Variants in NRXN1 observed in about 807,000 individuals in gnomAD.
NRXN1 encodes the protein neurexin 1, also known as neurexin-1.
A neutral mutation model predicts 150.9 loss-of-function variants in NRXN1; 39 were observed. That is an observed-to-expected ratio of 0.26 (90% CI 0.20 to 0.34). NRXN1 has a LOEUF of 0.34. Among genes scored for constraint, NRXN1 ranks in the 10% least tolerant of loss-of-function variants. The pLI is 1.00. For missense variants in NRXN1, 1,815 were observed against 1,949.9 expected, an observed-to-expected ratio of 0.93 and a Z score of 1.30; for synonymous variants, 924 against 757.0, an observed-to-expected ratio of 1.22 and a Z score of -3.62.
chr2:50,790,529 GAGAATTGCTTGA>G (rs1360120036), intron 5 of NRXN1, among the ~76,000 whole-genome samples: 2 of 152,154 alleles, frequency 1.3e-5, no homozygotes, highest in African/African-American at 2.4e-5. Flanking sequence ...GCTGAGGCAG[GAGAATTGCTTGA>G]ACCTGGGAGA....
chr2:50,741,514 T>G (rs1379364122), intron 5 of NRXN1, among the ~76,000 whole-genome samples: 1 of 152,198 alleles, frequency 6.6e-6, no homozygotes, highest in Non-Finnish European at 1.5e-5. Flanking sequence ...TTTGACATTT[T>G]ATCTTTTCTA....
intron 8 of NRXN1, among the ~76,000 whole-genome samples, chr2:50,553,895 T>C (rs545775384): frequency 2.0e-5 from 3 of 152,316 alleles, no homozygotes; most frequent in South Asian, 2.1e-4. Context: ...CACGGTATCA[T>C]ACATTTGCTA....
chr2:50,885,166 A>T (rs552471745), intron 5 of NRXN1, among the ~76,000 whole-genome samples: 12 of 151,524 alleles, frequency 7.9e-5, no homozygotes, highest in Non-Finnish European at 1.6e-4. Flanking sequence ...TTTATGCAAC[A>T]GTTTTAGAAT....
chr2:49,952,453 T>C (rs1036674189), intron 21 of NRXN1, among the ~76,000 whole-genome samples: 10 of 152,026 alleles, frequency 6.6e-5, no homozygotes, highest in African/African-American at 1.7e-4. Context: ...AAAAATCCAA[T>C]TACAGAAATT....
At chr2:50,230,957 G>A (rs1254311655) in intron 18 of NRXN1, among the ~76,000 whole-genome samples, 2 of 151,968 alleles carry the variant, frequency 1.3e-5, no homozygotes, top group East Asian at 1.9e-4. Flanking sequence ...ATGGTGAAAA[G>A]GCATTATTTA....
chr2:49,922,301 G>A (rs755426199), intron 22 of NRXN1, 50 bp from the exon 23 acceptor site: 1 of 1,490,868 alleles, frequency 6.7e-7, no homozygotes, highest in Non-Finnish European at 9.2e-7. Context: ...TGAGTTCACT[G>A]AATACCAGAG....
chr2:50,318,404 G>A (rs1027147453), intron 17 of NRXN1, among the ~76,000 whole-genome samples: 1 of 152,110 alleles, frequency 6.6e-6, no homozygotes, highest in Non-Finnish European at 1.5e-5. Flanking sequence ...CATCCTGTAT[G>A]CATTATATGT....
At chr2:50,133,617 GAAAAAT>G (rs1705907204) in intron 18 of NRXN1, among the ~76,000 whole-genome samples, 1 of 152,026 alleles carries the variant, frequency 6.6e-6, no homozygotes, top group Non-Finnish European at 1.5e-5. Flanking sequence ...TTCTGGAAAA[GAAAAAT>G]AAATTAAAGC....
intron 19 of NRXN1, among the ~76,000 whole-genome samples, chr2:50,086,672 A>G (rs1002768161): frequency 1.3e-5 from 2 of 152,156 alleles, no homozygotes; most frequent in African/African-American, 2.4e-5. Flanking sequence ...GTTGGCAAAC[A>G]TGAATAATAA....
chr2:50,070,435 G>T (rs1381357709), intron 19 of NRXN1, among the ~76,000 whole-genome samples: 1 of 152,094 alleles, frequency 6.6e-6, no homozygotes, highest in Non-Finnish European at 1.5e-5. Flanking sequence ...ACATTCTCAT[G>T]AGAGTTCCTT....
chr2:50,203,065 T>C (rs918359840), intron 18 of NRXN1, among the ~76,000 whole-genome samples: 1 of 152,006 alleles, frequency 6.6e-6, no homozygotes, highest in Non-Finnish European at 1.5e-5. Context: ...GTATAATGAA[T>C]GGCAAAACTG....
intron 17 of NRXN1, among the ~76,000 whole-genome samples, chr2:50,390,824 T>C (rs1194419933): frequency 6.6e-6 from 1 of 152,124 alleles, no homozygotes; most frequent in East Asian, 1.9e-4. Flanking sequence ...CCCCTTGCTT[T>C]TGGACTTCGC....
intron 2 of NRXN1, among the ~76,000 whole-genome samples, chr2:50,970,359 T>A (rs1356292232): frequency 6.6e-6 from 1 of 152,036 alleles, no homozygotes; most frequent in Non-Finnish European, 1.5e-5. Context: ...GATATTGTTT[T>A]CTGAACCCCA....
chr2:50,563,675 T>A (rs1243792009), intron 8 of NRXN1, among the ~76,000 whole-genome samples: 1 of 152,218 alleles, frequency 6.6e-6, no homozygotes, highest in Non-Finnish European at 1.5e-5. Context: ...AATCTGAATG[T>A]TTGCCTCCAG....
chr2:50,864,297 T>G (rs1559366772), intron 5 of NRXN1, among the ~76,000 whole-genome samples: 1 of 151,932 alleles, frequency 6.6e-6, no homozygotes. Context: ...TCATAAAAGC[T>G]AAAAAAGCTG....
At chr2:50,176,265 G>C (rs2060349556) in intron 18 of NRXN1, among the ~76,000 whole-genome samples, 1 of 151,996 alleles carries the variant, frequency 6.6e-6, no homozygotes, top group Admixed American at 6.6e-5. Context: ...ATTTCTTTTG[G>C]TCTAGAAAGT....
intron 17 of NRXN1, among the ~76,000 whole-genome samples, chr2:50,263,463 G>T (rs1016925668): frequency 2.0e-4 from 31 of 151,958 alleles, no homozygotes; most frequent in African/African-American, 7.5e-4. Context: ...TATATAGGTA[G>T]CTATTAGGTC....
At chr2:50,656,466 T>C in intron 5 of NRXN1, 2 of 742,500 alleles carry the variant, frequency 2.7e-6, no homozygotes, top group Non-Finnish European at 5.0e-6. Context: ...TTTTCAGTTT[T>C]TGCTCTGTTT....
At chr2:50,740,188 C>T (rs1204832665) in intron 5 of NRXN1, among the ~76,000 whole-genome samples, 1 of 152,142 alleles carries the variant, frequency 6.6e-6, no homozygotes, top group African/African-American at 2.4e-5. Flanking sequence ...TTATCCATTG[C>T]TCAGACCAGG....
Sources: gnomAD v4.1 joint callset for allele counts (sites outside exome capture counted in the v4.1 genomes callset) on GRCh38, gnomAD v4.1.1 for gene constraint, MANE v1.5 for transcripts, NCBI Gene and HGNC (gene_info 2026-07-23, HGNC 2026-07-21) for gene names.